The following PKDCC variants were observed in gnomAD, a reference collection of about 807,000 sequenced individuals.
The protein encoded by PKDCC is protein kinase domain containing, cytoplasmic.
A neutral mutation model predicts 44.7 loss-of-function variants in PKDCC; 35 were observed. The ratio of observed to expected loss-of-function variants is 0.78; its 90% CI spans 0.60 to 1.04. The LOEUF (loss-of-function observed/expected upper bound fraction) is 1.04. Among genes scored for constraint, PKDCC ranks in the 50% least tolerant of loss-of-function variants. The pLI, the probability that PKDCC is intolerant of heterozygous loss-of-function variation, is 0.00. For synonymous variants in PKDCC, 353 were observed against 303.3 expected (o/e 1.16, Z -1.70); for missense variants, 738 against 672.7 (o/e 1.10, Z -1.07).
Position 42,055,082 on chromosome 2 carries a change from G to C in PKDCC, c.1114+62G>C. 3.3e-6 allele frequency: 5 copies of C among 1,528,810 alleles called. No homozygotes were observed. Among genetic ancestry groups the C allele is most frequent in the Admixed American group, 3.4e-5 (2 of 58,974 alleles). The allele number at this position is 1,528,810 out of a possible 1,614,324, so 94.7% of individuals were successfully genotyped here. A position where few individuals can be genotyped will look rare whatever the true frequency, so the allele number is the denominator to read the frequency against. ...ACCCCACCCCCACCCGCCAGCAAAA[G>C]TGGGGAGAAAAATAACCCAGGGCAG... On this transcript the variant is annotated intron_variant, in intron 4 of 6. Coordinates refer to ENST00000294964, the MANE Select transcript of PKDCC (RefSeq NM_138370.3). The surrounding 1 kb of genome is among the most constrained non-coding windows in gnomAD (Gnocchi z 4.5).
chr2:42,054,991 C>T lies in PKDCC; in HGVS notation c.1085C>T (p.Pro362Leu). 1.2e-6 allele frequency: 2 copies of T among 1,614,136 alleles called. No homozygotes were observed. Among genetic ancestry groups the T allele is most frequent in the Non-Finnish European group, 1.7e-6 (2 of 1,179,992 alleles). The change falls in exon 4 of 7, where the codon CCT becomes CTT. Residue 362 changes from proline (P) to leucine (L), a missense_variant. Transcript: ENST00000294964. The surrounding 1 kb of genome is among the most constrained non-coding windows in gnomAD (Gnocchi z 6.1). ...CACAGTGCCCCGCCTTCACTGCGTCCTCTGCTGGACAGCATCGTCAACGCC... is the reference window on the plus strand; with the variant it reads ...CACAGTGCCCCGCCTTCACTGCGTCTTCTGCTGGACAGCATCGTCAACGCC... ...LPHSAPPSLR[P>L]LLDSIVNATG...
At position 42,048,679 on chromosome 2, in the gene PKDCC, T is replaced by C. The variant is rs11897440; in HGVS notation, c.480T>C (p.Gly160=). The change falls in exon 1 of 7, where the codon GGT becomes GGC. Residue 160 remains glycine (G), a synonymous_variant. Transcript: ENST00000294964. The surrounding 1 kb of genome is among the most constrained non-coding windows in gnomAD (Gnocchi z 6.2). ...TGTACCGGGTCCGCCTGCCCGGCGG[T>C]GCCGCGGTGGCGCTCAAGGCGGTGG... ...KAVYRVRLPG[G]AAVALKAVDF... 660,839 of 1,546,866 alleles carry C rather than the reference T, an allele frequency of 0.43. 149,803 individuals are homozygous for C. The highest frequency in any genetic ancestry group is 0.79 in the African/African-American group (57,976 of 73,064).
Position 42,053,255 on chromosome 2 carries a change from A to C in PKDCC, c.656A>C (p.Tyr219Ser). 1 of 1,606,768 alleles carries C rather than the reference A, an allele frequency of 6.2e-7. No individual in the cohort carries two copies. Among genetic ancestry groups the C allele is most frequent in the Non-Finnish European group, 8.5e-7 (1 of 1,178,630 alleles). The change falls in exon 2 of 7, where the codon TAC becomes TCC. Residue 219 changes from tyrosine to serine, a missense_variant. Transcript: ENST00000294964. The stretch of plus-strand genomic sequence containing the variant: ...TTTCCCCAGCTCTATGGCTACTGCT[A>C]CCAGGACAGCGAGGACATCCCAGAC... The part of the protein sequence containing the change: ...PNVLQLYGYC[Y>S]QDSEDIPDTL...
At position 42,048,293 on chromosome 2, in the gene PKDCC, C is replaced by A; in HGVS notation, c.94C>A (p.Pro32Thr). 1.6e-6 allele frequency: 2 copies of A among 1,262,602 alleles called. No homozygotes were observed. Among genetic ancestry groups the A allele is most frequent in the South Asian group, 2.1e-5 (1 of 47,702 alleles). 78.2% of individuals were successfully genotyped at this position (1,262,602 alleles called of 1,614,324 possible). The change falls in exon 1 of 7, where the codon CCT becomes ACT. Residue 32 changes from proline to threonine, a missense_variant. Pro to Thr is a conservative substitution (Grantham distance 38). Coordinates refer to ENST00000294964, the MANE Select transcript of PKDCC (RefSeq NM_138370.3). The surrounding 1 kb of genome is among the most constrained non-coding windows in gnomAD (Gnocchi z 6.2). ...CGTGCTCTTCGCTCCGGGCTCGGAG[C>A]CTCCGAGGCCAGGCCAGTCCCCTGA... ...LNVLFAPGSE[P>T]PRPGQSPEPS...
In PKDCC at chr2:42,054,266, C is replaced by T. The variant is rs1389687516; in HGVS notation, c.993C>T (p.Cys331=). ...TGCCCTGCTCAGCCCAGGGCTGGTG[C>T]GAGGGCATGAACGAGAAGCGGAACC... is the stretch of plus-strand genomic sequence containing the variant. The part of the protein sequence containing the change: ...FTLPCSAQGW[C]EGMNEKRNLY... Residue 331 remains cysteine (C), a synonymous_variant, in exon 3 of 7, where the codon TGC becomes TGT. Transcript: ENST00000294964. This position sits in a 1 kb window ranked among gnomAD's most constrained non-coding sequence, Gnocchi z 6.1. The T allele has an allele frequency of 4.4e-6, 7 of 1,606,124 alleles. No individual in the cohort carries two copies. The highest frequency in any genetic ancestry group is 1.3e-5 in the African/African-American group (1 of 74,872).
intron 5 of PKDCC, among the ~76,000 whole-genome samples, chr2:42,056,042 G>A (rs1399289628): frequency 6.6e-6 from 1 of 152,154 alleles, no homozygotes; most frequent in Admixed American, 6.5e-5. Flanking sequence ...AGGAGTTCTG[G>A]CTAGTCTTAG....
intron 1 of PKDCC, among the ~76,000 whole-genome samples, chr2:42,050,075 A>T (rs1248661426): frequency 6.6e-6 from 1 of 152,144 alleles, no homozygotes; most frequent in East Asian, 1.9e-4. Flanking sequence ...AAAGTTGTTT[A>T]TACTCCTGTT....
At position 42,054,222 on chromosome 2, in the gene PKDCC, C is replaced by A. The variant is rs759389470; in HGVS notation, c.949C>A (p.Pro317Thr). The A allele has an allele frequency of 6.2e-7, 1 of 1,603,764 alleles. No homozygotes were observed. ...AGSTDCILEF[P>T]ARNFTLPCSA... ...CAGCACCGACTGCATACTCGAGTTTCCGGCCAGGAACTTCACCCTGCCCTG... is the reference window on the plus strand; with the variant it reads ...CAGCACCGACTGCATACTCGAGTTTACGGCCAGGAACTTCACCCTGCCCTG... The change falls in exon 3 of 7, where the codon CCG (proline) becomes ACG (threonine). Residue 317 changes from proline to threonine, a missense_variant. By Grantham distance (38) the Pro-to-Thr change is conservative (BLOSUM62 -1). Coordinates refer to ENST00000294964, the MANE Select transcript of PKDCC (RefSeq NM_138370.3). The surrounding 1 kb of genome is among the most constrained non-coding windows in gnomAD (Gnocchi z 6.1).
chr2:42,054,799 G>C lies in PKDCC; in HGVS notation c.1035-142G>C. 1.3e-6 allele frequency: 1 copy of C among 789,290 alleles called. No homozygotes were observed. Among genetic ancestry groups the C allele is most frequent in the Non-Finnish European group, 2.2e-6 (1 of 446,808 alleles). The allele number at this position is 789,290 out of a possible 1,614,324, so 48.9% of individuals were successfully genotyped here. A position where few individuals can be genotyped will look rare whatever the true frequency, so the allele number is the denominator to read the frequency against. On this transcript the variant is annotated intron_variant, in intron 3 of 6. Transcript: ENST00000294964. This position sits in a 1 kb window ranked among gnomAD's most constrained non-coding sequence, Gnocchi z 6.1. The stretch of plus-strand genomic sequence containing the variant: ...CAGAACCCTCCCCCGAGGCTGAGTA[G>C]ACTTCACTGCGTTCTGCCTGGTTGC...
intron 1 of PKDCC, 88 bp from the exon 2 acceptor site, chr2:42,053,150 AG>A: frequency 7.2e-7 from 1 of 1,388,482 alleles, no homozygotes; most frequent in Non-Finnish European, 9.8e-7. Context: ...GGATGGTGGG[AG>A]GAGAGAGAGG....
At chr2:42,049,733 A>T (rs1667935935) in intron 1 of PKDCC, among the ~76,000 whole-genome samples, 1 of 152,102 alleles carries the variant, frequency 6.6e-6, no homozygotes, top group Non-Finnish European at 1.5e-5. Flanking sequence ...GGCCTCTCAC[A>T]GTCCCAGCAC....
Position 42,054,802 on chromosome 2 carries a change from T to G in PKDCC, c.1035-139T>G. The stretch of plus-strand genomic sequence containing the variant: ...AACCCTCCCCCGAGGCTGAGTAGAC[T>G]TCACTGCGTTCTGCCTGGTTGCTAG... On this transcript the variant is annotated intron_variant, in intron 3 of 6. Coordinates refer to ENST00000294964, the MANE Select transcript of PKDCC (RefSeq NM_138370.3). The surrounding 1 kb of genome is among the most constrained non-coding windows in gnomAD (Gnocchi z 6.1). 1.2e-6 allele frequency: 1 copy of G among 803,378 alleles called. No individual in the cohort carries two copies. The highest frequency in any genetic ancestry group is 2.2e-6 in the Non-Finnish European group (1 of 458,374). The allele number at this position is 803,378 out of a possible 1,614,324, so 49.8% of individuals were successfully genotyped here.
intron 6 of PKDCC, 44 bp downstream of exon 6, chr2:42,057,438 T>A (rs747398831): frequency 6.2e-7 from 1 of 1,610,254 alleles, no homozygotes; most frequent in South Asian, 1.1e-5. Flanking sequence ...TGGCAGGACC[T>A]CTCTGGAGGT....
At position 42,055,490 on chromosome 2, in the gene PKDCC, G is replaced by A; in HGVS notation, c.1222+97G>A. 2 of 1,098,820 alleles carry A rather than the reference G, an allele frequency of 1.8e-6. No individual in the cohort carries two copies. Among genetic ancestry groups the A allele is most frequent in the Non-Finnish European group, 2.7e-6 (2 of 751,830 alleles). 68.1% of individuals were successfully genotyped at this position (1,098,820 alleles called of 1,614,324 possible). On this transcript the variant is annotated intron_variant, in intron 5 of 6. Coordinates refer to ENST00000294964, the MANE Select transcript of PKDCC (RefSeq NM_138370.3). This position sits in a 1 kb window ranked among gnomAD's most constrained non-coding sequence, Gnocchi z 4.5. ...GCTAAGTGGCTCACCCTTTCTCTGGGGACCCTTGTCTCCAAAGGCCACTGT... is the reference window on the plus strand; with the variant it reads ...GCTAAGTGGCTCACCCTTTCTCTGGAGACCCTTGTCTCCAAAGGCCACTGT...
At position 42,048,243 on chromosome 2, in the gene PKDCC, C is replaced by A; in HGVS notation, c.44C>A (p.Ser15Tyr). 7.9e-7 allele frequency: 1 copy of A among 1,272,796 alleles called. No homozygotes were observed. Among genetic ancestry groups the A allele is most frequent in the Non-Finnish European group, 1.0e-6 (1 of 997,856 alleles). 78.8% of individuals were successfully genotyped at this position (1,272,796 alleles called of 1,614,324 possible). A position where few individuals can be genotyped will look rare whatever the true frequency, so the allele number is the denominator to read the frequency against. Residue 15 changes from serine to tyrosine, a missense_variant, in exon 1 of 7, where the codon TCC becomes TAC. Ser to Tyr is a moderately radical substitution (Grantham distance 144). Coordinates refer to ENST00000294964, the MANE Select transcript of PKDCC (RefSeq NM_138370.3). The surrounding 1 kb of genome is among the most constrained non-coding windows in gnomAD (Gnocchi z 6.2). ...GCAGTGGCCGCGGGTTTCTGCGCCT[C>A]CTTCCTGCTGGGCTCCGTCCTCAAC... The part of the protein sequence containing the change: ...RAAVAAGFCA[S>Y]FLLGSVLNVL...
In PKDCC at chr2:42,054,581, A is replaced by C; in HGVS notation, c.1034+274A>C. On this transcript the variant is annotated intron_variant, in intron 3 of 6. Transcript: ENST00000294964. This position sits in a 1 kb window ranked among gnomAD's most constrained non-coding sequence, Gnocchi z 6.1. The stretch of plus-strand genomic sequence containing the variant: ...GGAGCCTAGGGCTGGTGGAACTGGC[A>C]CTTTTCCCTTCCCACCCAGGCCCTT... 1 of 549,596 alleles carries C rather than the reference A, an allele frequency of 1.8e-6. No individual in the cohort carries two copies. Among genetic ancestry groups the C allele is most frequent in the Non-Finnish European group, 3.2e-6 (1 of 311,062 alleles). 34.0% of individuals were successfully genotyped at this position (549,596 alleles called of 1,614,324 possible). A position where few individuals can be genotyped will look rare whatever the true frequency, so the allele number is the denominator to read the frequency against.
intron 1 of PKDCC, among the ~76,000 whole-genome samples, chr2:42,050,197 G>A (rs902901712): frequency 1.3e-5 from 2 of 152,222 alleles, no homozygotes; most frequent in Admixed American, 6.5e-5. Flanking sequence ...CAACACTTGC[G>A]TGTAGTGAAG....
chr2:42,050,264 G>A (rs1298282775), intron 1 of PKDCC, among the ~76,000 whole-genome samples: 2 of 152,196 alleles, frequency 1.3e-5, no homozygotes, highest in African/African-American at 4.8e-5. Context: ...CCCTGGTTAC[G>A]TGGCCATTCT....
At position 42,054,480 on chromosome 2, in the gene PKDCC, C is replaced by A; in HGVS notation, c.1034+173C>A. ...AACATTCAGGCCTCTGATGGAGAGG[C>A]TAAAAATAGACAGCTCCAAGGAGAA... On this transcript the variant is annotated intron_variant, in intron 3 of 6. Coordinates refer to ENST00000294964, the MANE Select transcript of PKDCC (RefSeq NM_138370.3). The surrounding 1 kb of genome is among the most constrained non-coding windows in gnomAD (Gnocchi z 6.1). 1 of 768,596 alleles carries A rather than the reference C, an allele frequency of 1.3e-6. No homozygotes were observed. The highest frequency in any genetic ancestry group is 2.0e-6 in the Non-Finnish European group (1 of 488,556). The allele number at this position is 768,596 out of a possible 1,614,324, so 47.6% of individuals were successfully genotyped here.
Sources: allele counts gnomAD v4.1 joint callset (sites outside exome capture counted in the v4.1 genomes callset), GRCh38; gene constraint gnomAD v4.1.1; non-coding constraint Gnocchi (gnomAD v3.1); transcripts MANE v1.5; gene names NCBI Gene and HGNC (gene_info 2026-07-23, HGNC 2026-07-21).